The following REDIC1 variants were observed in gnomAD, a reference collection of about 807,000 sequenced individuals.
REDIC1 encodes the protein regulator of DNA class I crossover intermediates 1, also known as HEI10 Interacting Protein 1.
the REDIC1 span, among the ~76,000 whole-genome samples, chr12:39,861,081 T>A: frequency 6.6e-6 from 1 of 152,224 alleles, no homozygotes. Context: ...ACTTGCCACG[T>A]TCCTTACTGC....
the REDIC1 span, among the ~76,000 whole-genome samples, chr12:39,871,296 T>C: frequency 7.9e-5 from 12 of 152,282 alleles, no homozygotes; most frequent in Admixed American, 7.8e-4. Flanking sequence ...ACCCTGGAAT[T>C]TAGGCCTGTT....
chr12:39,903,705 C>T, the REDIC1 span, among the ~76,000 whole-genome samples: 10,377 of 152,090 alleles, frequency 0.068, 470 homozygotes, highest in Admixed American at 0.14. Context: ...AAGCAGCAGG[C>T]CCCAGAAATG....
chr12:39,830,313 T>C, the REDIC1 span: 1 of 1,537,024 alleles, frequency 6.5e-7, no homozygotes, highest in Non-Finnish European at 8.7e-7. Flanking sequence ...TCTCTGCATT[T>C]TCCACTCTCT....
the REDIC1 span, among the ~76,000 whole-genome samples, chr12:39,712,916 C>T: frequency 1.4e-5 from 2 of 144,908 alleles, no homozygotes; most frequent in African/African-American, 2.5e-5. Flanking sequence ...TACGTATATA[C>T]ATATGTGCAT....
chr12:39,710,178 T>TA, the REDIC1 span, among the ~76,000 whole-genome samples: 3 of 151,958 alleles, frequency 2.0e-5, no homozygotes, highest in Admixed American at 6.6e-5. Context: ...TCTGTTCTTT[T>TA]AAAAAAATTT....
chr12:39,666,858 G>A, the REDIC1 span, among the ~76,000 whole-genome samples: 2 of 152,186 alleles, frequency 1.3e-5, no homozygotes, highest in Non-Finnish European at 2.9e-5. Flanking sequence ...TTGCGTAGAG[G>A]TGTTTATAGT....
At chr12:39,812,826 T>C in the REDIC1 span, among the ~76,000 whole-genome samples, 1 of 147,276 alleles carries the variant, frequency 6.8e-6, no homozygotes, top group African/African-American at 2.5e-5. Context: ...ATTTAGTTTG[T>C]AGTATTACCT....
the REDIC1 span, among the ~76,000 whole-genome samples, chr12:39,694,493 C>G: frequency 6.6e-6 from 1 of 152,022 alleles, no homozygotes; most frequent in African/African-American, 2.4e-5. Context: ...CTTGTTATAA[C>G]AGAAAGCAAA....
At chr12:39,725,089 A>G in the REDIC1 span, among the ~76,000 whole-genome samples, 1 of 152,158 alleles carries the variant, frequency 6.6e-6, no homozygotes, top group East Asian at 1.9e-4. Flanking sequence ...ACAGAGCCTC[A>G]AAGTCAAATG....
At chr12:39,763,096 C>G in the REDIC1 span, among the ~76,000 whole-genome samples, 28 of 151,996 alleles carry the variant, frequency 1.8e-4, no homozygotes, top group Non-Finnish European at 3.8e-4. Flanking sequence ...TCAGTAAATA[C>G]GAGGAAATAT....
chr12:39,664,604 C>T, the REDIC1 span, among the ~76,000 whole-genome samples: 16 of 152,268 alleles, frequency 1.1e-4, no homozygotes, highest in Middle Eastern at 3.4e-3. Flanking sequence ...AATGGGATTG[C>T]TGGGTCAAAT....
the REDIC1 span, among the ~76,000 whole-genome samples, chr12:39,767,343 T>A: frequency 6.6e-6 from 1 of 151,856 alleles, no homozygotes; most frequent in Non-Finnish European, 1.5e-5. Flanking sequence ...CATAGTGGCT[T>A]AAAATATTCT....
the REDIC1 span, among the ~76,000 whole-genome samples, chr12:39,655,344 A>T: frequency 6.6e-6 from 1 of 152,074 alleles, no homozygotes; most frequent in African/African-American, 2.4e-5. Context: ...CTCTTGTAGT[A>T]CTGCTTAGAT....
the REDIC1 span, among the ~76,000 whole-genome samples, chr12:39,735,631 G>A: frequency 6.6e-6 from 1 of 152,180 alleles, no homozygotes; most frequent in African/African-American, 2.4e-5. Context: ...TTTGGACGAA[G>A]GCCAAATTTA....
chr12:39,641,842 C>G, the REDIC1 span, among the ~76,000 whole-genome samples: 2 of 151,576 alleles, frequency 1.3e-5, no homozygotes, highest in African/African-American at 4.8e-5. Context: ...GGATTCTTTT[C>G]CTTCCCAGCT....
the REDIC1 span, chr12:39,756,738 G>T: frequency 2.0e-5 from 3 of 151,742 alleles, no homozygotes; most frequent in African/African-American, 7.2e-5. Context: ...TTCTTCCCCT[G>T]TATAACAGAT....
At chr12:39,685,565 C>T in the REDIC1 span, among the ~76,000 whole-genome samples, 1 of 152,164 alleles carries the variant, frequency 6.6e-6, no homozygotes. Context: ...CAAGCCCCAC[C>T]TCCAACACTC....
chr12:39,731,734 G>A, the REDIC1 span, among the ~76,000 whole-genome samples: 4 of 152,124 alleles, frequency 2.6e-5, no homozygotes, highest in Admixed American at 6.6e-5. Context: ...ATTTAACTCC[G>A]CTGAAGTTGT....
At chr12:39,750,219 G>C in the REDIC1 span, among the ~76,000 whole-genome samples, 1 of 152,186 alleles carries the variant, frequency 6.6e-6, no homozygotes, top group Non-Finnish European at 1.5e-5. Context: ...CTTCAGCAAA[G>C]TCTCAGGATA....
Sources: gnomAD v4.1 joint callset for allele counts (sites outside exome capture counted in the v4.1 genomes callset) on GRCh38, gnomAD v4.1.1 for gene constraint, MANE v1.5 for transcripts, NCBI Gene and HGNC (gene_info 2026-07-23, HGNC 2026-07-21) for gene names.